The following INPP4B variants were observed in gnomAD, a reference collection of about 807,000 sequenced individuals.
INPP4B encodes inositol polyphosphate-4-phosphatase type II B.
In INPP4B, 55 loss-of-function variants were observed where a neutral mutation model predicts 122.5. The ratio of observed to expected loss-of-function variants is 0.45; its 90% CI spans 0.36 to 0.56. The LOEUF is 0.56. INPP4B is among the 20% of genes least tolerant of loss of function. INPP4B has a pLI of 0.00. For synonymous variants in INPP4B, 403 were observed against 388.7 expected, an observed-to-expected ratio of 1.04 and a Z score of -0.43; for missense variants, 1,000 against 1,097.7, an observed-to-expected ratio of 0.91 and a Z score of 1.26.
At chr4:142,315,096 T>C (rs1165909667) in intron 7 of INPP4B, among the ~76,000 whole-genome samples, 2 of 152,166 alleles carry the variant, frequency 1.3e-5, no homozygotes, top group Non-Finnish European at 1.5e-5. Flanking sequence ...GAGAAAGCAA[T>C]TCCATGCATG....
At chr4:142,661,433 A>G (rs1341961289) in intron 2 of INPP4B, among the ~76,000 whole-genome samples, 1 of 152,218 alleles carries the variant, frequency 6.6e-6, no homozygotes, top group Non-Finnish European at 1.5e-5. Context: ...TTTTAGTCAT[A>G]TATTAAATAG....
chr4:142,379,659 A>G (rs1793338415), intron 7 of INPP4B, among the ~76,000 whole-genome samples: 1 of 152,200 alleles, frequency 6.6e-6, no homozygotes. Flanking sequence ...AGCTATTCCT[A>G]GCCAAAGCAG....
Position 142,376,310 on chromosome 4 carries a change from C to A in INPP4B, c.372+26628G>T, listed in dbSNP as rs74347271. Among the ~76,000 whole-genome samples, 823 of 152,020 alleles carry A rather than the reference C, an allele frequency of 5.4e-3. 3 individuals are homozygous for A. Among genetic ancestry groups the A allele is most frequent in the African/African-American group, 0.019 (788 of 41,520 alleles). On this transcript the variant is annotated intron_variant, in intron 7 of 25. Transcript: ENST00000262992. ...ATCCTGGGATAAGATCTCATGATGA[C>A]CTGAAAACATGGCTTTGTTCCTCTC... is the stretch of plus-strand genomic sequence containing the variant.
At position 142,587,555 on chromosome 4, in the gene INPP4B, G is replaced by T. The variant is rs1228840458; in HGVS notation, c.-190-124829C>A. On this transcript the variant is annotated intron_variant, in intron 2 of 25. Coordinates refer to ENST00000262992, the MANE Select transcript of INPP4B (RefSeq NM_001101669.3). ...TCTTTTTTAAGAAAAATTTTTGTGA[G>T]TAAATAGTATGTGTATATACTTATG... 3.9e-5 allele frequency among the ~76,000 whole-genome samples: 6 copies of T among 152,064 alleles called. No individual in the cohort carries two copies. In the East Asian group the frequency reaches 1.2e-3, roughly 29 times the overall value.
intron 2 of INPP4B, among the ~76,000 whole-genome samples, chr4:142,676,101 T>C (rs1026264170): frequency 1.3e-5 from 2 of 152,128 alleles, no homozygotes; most frequent in African/African-American, 2.4e-5. Flanking sequence ...TAAAACCCCA[T>C]TGTCTCAGCT....
chr4:142,319,414 T>C (rs796896662), intron 7 of INPP4B, among the ~76,000 whole-genome samples: 2 of 152,188 alleles, frequency 1.3e-5, no homozygotes, highest in East Asian at 3.8e-4. Context: ...TTAGAATATA[T>C]CATCACATTT....
chr4:142,231,986 T>A (rs1310586967), intron 12 of INPP4B, among the ~76,000 whole-genome samples: 2 of 152,166 alleles, frequency 1.3e-5, no homozygotes, highest in African/African-American at 4.8e-5. Flanking sequence ...AAAGTTTTAT[T>A]GAAACAGCTA....
chr4:142,352,151 G>A (rs922594082), intron 7 of INPP4B, among the ~76,000 whole-genome samples: 10 of 151,830 alleles, frequency 6.6e-5, no homozygotes, highest in Non-Finnish European at 1.3e-4. Flanking sequence ...TCTGCCCAGC[G>A]AATGTGTTTC....
chr4:142,627,266 C>G (rs1270137912), intron 2 of INPP4B, among the ~76,000 whole-genome samples: 1 of 151,388 alleles, frequency 6.6e-6, no homozygotes, highest in Non-Finnish European at 1.5e-5. Context: ...CCTAATTGCC[C>G]TGGCCAGAAC....
intron 1 of INPP4B, among the ~76,000 whole-genome samples, chr4:142,754,514 C>G (rs763026503): frequency 1.1e-4 from 17 of 151,984 alleles, no homozygotes; most frequent in Non-Finnish European, 2.2e-4. Context: ...CATATCCAGT[C>G]TTTAAAAATT....
intron 1 of INPP4B, among the ~76,000 whole-genome samples, chr4:142,833,699 G>A (rs1180373834): frequency 6.6e-6 from 1 of 151,760 alleles, no homozygotes; most frequent in African/African-American, 2.4e-5. Flanking sequence ...GGGCTCAAGC[G>A]AACCTCCCAC....
chr4:142,078,745 G>A (rs915291000), intron 25 of INPP4B, among the ~76,000 whole-genome samples: 1 of 151,956 alleles, frequency 6.6e-6, no homozygotes, highest in African/African-American at 2.4e-5. Flanking sequence ...ACTAAATAAA[G>A]AGTGATATGA....
At chr4:142,796,868 ATGTGTGTGTG>A (rs34860975) in intron 1 of INPP4B, among the ~76,000 whole-genome samples, 370 of 105,382 alleles carry the variant, frequency 3.5e-3, no homozygotes, top group East Asian at 8.2e-3. Context: ...CGGAAAACAG[ATGTGTGTGTG>A]TGTGTGTGTG....
intron 2 of INPP4B, among the ~76,000 whole-genome samples, chr4:142,468,684 GCA>G (rs2149660224): frequency 1.3e-5 from 2 of 152,160 alleles, no homozygotes; most frequent in South Asian, 4.1e-4. Flanking sequence ...TGTAATTTCT[GCA>G]CACACTGGCT....
intron 7 of INPP4B, among the ~76,000 whole-genome samples, chr4:142,335,681 G>A (rs910817086): frequency 6.6e-6 from 1 of 152,172 alleles, no homozygotes. Flanking sequence ...TCATCAAAGG[G>A]CAGAACATAG....
chr4:142,825,195 A>G (rs966781209), intron 1 of INPP4B, among the ~76,000 whole-genome samples: 1 of 152,140 alleles, frequency 6.6e-6, no homozygotes, highest in Non-Finnish European at 1.5e-5. Flanking sequence ...CTTTTGCCTT[A>G]GTACTTTTGT....
intron 1 of INPP4B, among the ~76,000 whole-genome samples, chr4:142,824,349 A>AGAGAACC (rs1781196465): frequency 1.6e-5 from 2 of 127,752 alleles, no homozygotes; most frequent in East Asian, 4.1e-4. Context: ...TCTTTCTCCT[A>AGAGAACC]CTGGTTCTAT....
At chr4:142,391,609 C>A (rs1159106722) in intron 7 of INPP4B, among the ~76,000 whole-genome samples, 1 of 151,592 alleles carries the variant, frequency 6.6e-6, no homozygotes, top group Non-Finnish European at 1.5e-5. Flanking sequence ...AACAAACAAA[C>A]AAAAAAAACC....
At chr4:142,828,567 T>C (rs73850574) in intron 1 of INPP4B, among the ~76,000 whole-genome samples, 3,221 of 152,304 alleles carry the variant, frequency 0.021, 109 homozygotes, top group African/African-American at 0.073. Context: ...TGCAAATCCT[T>C]GTTGGAGAAA....
Sources: gnomAD v4.1 joint callset for allele counts (sites outside exome capture counted in the v4.1 genomes callset) on GRCh38, gnomAD v4.1.1 for gene constraint, MANE v1.5 for transcripts, NCBI Gene and HGNC (gene_info 2026-07-23, HGNC 2026-07-21) for gene names.